SLC10A7: variants seen among roughly 807,000 people sequenced by gnomAD.
SLC10A7 encodes sodium/bile acid cotransporter 7.
Under a neutral mutation model 43.2 loss-of-function variants are expected in SLC10A7, and 29 were observed. That is an observed-to-expected ratio of 0.67 (90% CI 0.50 to 0.92). SLC10A7 has a LOEUF of 0.92. Ranked by LOEUF, SLC10A7 falls within the 40% of genes least tolerant of loss-of-function variation. The pLI, the probability that SLC10A7 is intolerant of heterozygous loss-of-function variation, is 0.00. For synonymous variants in SLC10A7, 152 were observed against 144.8 expected, an observed-to-expected ratio of 1.05 and a Z score of -0.35; for missense variants, 295 against 403.2, an observed-to-expected ratio of 0.73 and a Z score of 2.30.
At chr4:146,347,374 T>C (rs1209985128) in intron 5 of SLC10A7, among the ~76,000 whole-genome samples, 1 of 152,204 alleles carries the variant, frequency 6.6e-6, no homozygotes, top group Non-Finnish European at 1.5e-5. Flanking sequence ...AATGAGATTA[T>C]GAAATACCTC....
chr4:146,480,016 C>T (rs550275904), intron 4 of SLC10A7, among the ~76,000 whole-genome samples: 1 of 152,028 alleles, frequency 6.6e-6, no homozygotes, highest in East Asian at 1.9e-4. Context: ...TCAAAAATTC[C>T]CCTAGATGTC....
chr4:146,404,762 A>G (rs532787281), intron 5 of SLC10A7, among the ~76,000 whole-genome samples: 2 of 152,140 alleles, frequency 1.3e-5, no homozygotes, highest in East Asian at 1.9e-4. Context: ...GAGCCACCGC[A>G]CCTGGCTTAT....
chr4:146,406,090 T>A (rs1289154869), intron 5 of SLC10A7, among the ~76,000 whole-genome samples: 1 of 152,198 alleles, frequency 6.6e-6, no homozygotes, highest in African/African-American at 2.4e-5. Context: ...AAGTAACTTA[T>A]AAGATCTGGA....
intron 4 of SLC10A7, among the ~76,000 whole-genome samples, chr4:146,491,285 A>G (rs568989302): frequency 6.6e-6 from 1 of 152,312 alleles, no homozygotes; most frequent in South Asian, 2.1e-4. Flanking sequence ...CCTGAAGACC[A>G]ATAACAAAAC....
chr4:146,434,225 C>T (rs1411358364), intron 5 of SLC10A7, among the ~76,000 whole-genome samples: 1 of 152,122 alleles, frequency 6.6e-6, no homozygotes, highest in Non-Finnish European at 1.5e-5. Context: ...AGGACATAGA[C>T]CAAAATGCTG....
intron 4 of SLC10A7, among the ~76,000 whole-genome samples, chr4:146,457,497 C>G (rs1732164081): frequency 6.6e-6 from 1 of 151,804 alleles, no homozygotes; most frequent in Non-Finnish European, 1.5e-5. Flanking sequence ...TTTTTGGACC[C>G]ATTAACCATC....
chr4:146,393,553 A>G (rs1579073338), intron 5 of SLC10A7, among the ~76,000 whole-genome samples: 1 of 152,240 alleles, frequency 6.6e-6, no homozygotes, highest in African/African-American at 2.4e-5. Flanking sequence ...CCTGTTCACT[A>G]TGGAATAGAC....
At chr4:146,280,893 T>C (rs1729506320) in intron 10 of SLC10A7, among the ~76,000 whole-genome samples, 1 of 152,134 alleles carries the variant, frequency 6.6e-6, no homozygotes, top group South Asian at 2.1e-4. Flanking sequence ...CCAAGGAAAC[T>C]GAGGCCCAGG....
rs150922882 is a variant in SLC10A7, at chr4:146,314,235, A to G, written c.472-8226T>C. 3.4e-3 allele frequency among the ~76,000 whole-genome samples: 520 copies of G among 152,276 alleles called. 5 individuals carry two copies. The highest frequency in any genetic ancestry group is 0.011 in the African/African-American group (444 of 41,568). Reference sequence around the variant, plus strand: ...CATCAAGTAACCATAGTAGCTACTCAATAAAAATTATCCTACCCCAGAAAA... The same window carrying G: ...CATCAAGTAACCATAGTAGCTACTCGATAAAAATTATCCTACCCCAGAAAA... On this transcript the variant is annotated intron_variant, in intron 6 of 11. Transcript: ENST00000335472.
At chr4:146,373,467 C>T (rs1328334489) in intron 5 of SLC10A7, among the ~76,000 whole-genome samples, 1 of 83,370 alleles carries the variant, frequency 1.2e-5, no homozygotes, top group African/African-American at 6.1e-5. Flanking sequence ...TAGCAAGACC[C>T]TGTCTCAAAA....
At chr4:146,333,606 A>G (rs1486151781) in intron 5 of SLC10A7, among the ~76,000 whole-genome samples, 1 of 152,186 alleles carries the variant, frequency 6.6e-6, no homozygotes, top group African/African-American at 2.4e-5. Context: ...GAAGGCAAGA[A>G]GAACATATAG....
At chr4:146,377,060 CT>C (rs1446649521) in intron 5 of SLC10A7, among the ~76,000 whole-genome samples, 1 of 150,006 alleles carries the variant, frequency 6.7e-6, no homozygotes, top group African/African-American at 2.5e-5. Context: ...AATATTTAGG[CT>C]AAATTGTGGA....
chr4:146,458,819 A>G (rs1732296189), intron 4 of SLC10A7, among the ~76,000 whole-genome samples: 1 of 151,922 alleles, frequency 6.6e-6, no homozygotes, highest in African/African-American at 2.4e-5. Flanking sequence ...AGTAAACTTT[A>G]AAACTCTCTT....
At chr4:146,395,608 T>A (rs1295721068) in intron 5 of SLC10A7, among the ~76,000 whole-genome samples, 3 of 152,178 alleles carry the variant, frequency 2.0e-5, no homozygotes, top group African/African-American at 7.2e-5. Flanking sequence ...TGCTTGTGAG[T>A]GAACTGGAGT....
At chr4:146,484,367 A>G (rs1734742850) in intron 4 of SLC10A7, among the ~76,000 whole-genome samples, 2 of 152,188 alleles carry the variant, frequency 1.3e-5, no homozygotes, top group African/African-American at 4.8e-5. Context: ...AATTTTTTTT[A>G]AGTGAATAAA....
In SLC10A7 at chr4:146,254,070, C is replaced by A. The variant is rs1727778795; in HGVS notation, c.*2421G>T. On this transcript the variant is annotated 3_prime_UTR_variant, in exon 12 of 12. Transcript: ENST00000335472. ...TAATCCACTTTATGACTTAACCAAT[C>A]CTTTTGAAAAAATTTGGTATTTAGC... 6.6e-6 allele frequency: 1 copy of A among 152,030 alleles called. No homozygotes were observed. The highest frequency in any genetic ancestry group is 1.5e-5 in the Non-Finnish European group (1 of 68,000). 9.4% of individuals were successfully genotyped at this position (152,030 alleles called of 1,614,324 possible). A position where few individuals can be genotyped will look rare whatever the true frequency, so the allele number is the denominator to read the frequency against.
intron 4 of SLC10A7, among the ~76,000 whole-genome samples, chr4:146,475,151 T>C (rs986357156): frequency 1.3e-5 from 2 of 152,204 alleles, no homozygotes; most frequent in African/African-American, 4.8e-5. Flanking sequence ...CATTTTACTT[T>C]GTTTCTTCCT....
intron 9 of SLC10A7, among the ~76,000 whole-genome samples, chr4:146,288,211 T>C (rs1730163885): frequency 6.6e-6 from 1 of 152,126 alleles, no homozygotes; most frequent in Non-Finnish European, 1.5e-5. Context: ...CTCAATAGGG[T>C]TGACTTGTAC....
intron 5 of SLC10A7, among the ~76,000 whole-genome samples, chr4:146,436,085 GC>G (rs1730188647): frequency 6.6e-6 from 1 of 151,822 alleles, no homozygotes; most frequent in Admixed American, 6.6e-5. Context: ...AAAAAAAGTT[GC>G]TTCAGCCTCC....
Sources: gnomAD v4.1 joint callset for allele counts (sites outside exome capture counted in the v4.1 genomes callset) on GRCh38, gnomAD v4.1.1 for gene constraint, MANE v1.5 for transcripts, NCBI Gene and HGNC (gene_info 2026-07-23, HGNC 2026-07-21) for gene names.